Variants in OSBPL6 observed in about 807,000 individuals in gnomAD.
OSBPL6 encodes oxysterol-binding protein-related protein 6.
Under a neutral mutation model 125.8 loss-of-function variants are expected in OSBPL6, and 49 were observed. That is an observed-to-expected ratio of 0.39 (90% confidence interval 0.31 to 0.49). The LOEUF (loss-of-function observed/expected upper bound fraction) is 0.49. Ranked by LOEUF, OSBPL6 falls within the 20% of genes least tolerant of loss-of-function variation. The probability of loss-of-function intolerance (pLI) is 0.88; values close to 1 mark genes in which losing one functional copy is unlikely to be tolerated. For synonymous variants in OSBPL6, 394 were observed against 391.8 expected, an observed-to-expected ratio of 1.01 and a Z score of -0.07; for missense variants, 986 against 1,135.4, an observed-to-expected ratio of 0.87 and a Z score of 1.89.
In OSBPL6 at chr2:178,334,944, C is replaced by A. The variant is rs551363024; in HGVS notation, c.658-1357C>A. Among the ~76,000 whole-genome samples, 160 of 152,164 alleles carry A rather than the reference C, an allele frequency of 1.1e-3. 1 individual carries two copies. Among genetic ancestry groups the A allele is most frequent in the African/African-American group, 3.6e-3 (149 of 41,522 alleles). ...ACCAGTTCTGAAATAAAAAAGGGAACGAACCATCTGGTCAGGGCATCAGGA... is the reference window on the plus strand; with the variant it reads ...ACCAGTTCTGAAATAAAAAAGGGAAAGAACCATCTGGTCAGGGCATCAGGA... On this transcript the variant is annotated intron_variant, in intron 8 of 24. Transcript: ENST00000190611.
upstream of OSBPL6, among the ~76,000 whole-genome samples, chr2:178,194,152 C>T (rs1170353819): frequency 1.1e-4 from 17 of 152,190 alleles, no homozygotes; most frequent in Admixed American, 1.1e-3. Flanking sequence ...GGCGAGGGCT[C>T]CGCTACTGCG....
chr2:178,207,597 G>A (rs1020943459), intron 1 of OSBPL6, among the ~76,000 whole-genome samples: 5 of 152,144 alleles, frequency 3.3e-5, no homozygotes, highest in Non-Finnish European at 5.9e-5. Flanking sequence ...TTCCAGCTGT[G>A]AGTACATCTG....
chr2:178,278,456 A>C (rs568550472), intron 1 of OSBPL6, among the ~76,000 whole-genome samples: 8 of 152,304 alleles, frequency 5.3e-5, no homozygotes, highest in African/African-American at 1.9e-4. Context: ...TGGATTAATC[A>C]ATCAATACTT....
At chr2:178,326,087 G>C (rs903877746) in intron 4 of OSBPL6, among the ~76,000 whole-genome samples, 1 of 150,912 alleles carries the variant, frequency 6.6e-6, no homozygotes, top group African/African-American at 2.4e-5. Context: ...TGGGCTTCCT[G>C]GGCACTGATT....
Position 178,389,114 on chromosome 2 carries a change from C to A in OSBPL6, c.2262C>A (p.Thr754=), listed in dbSNP as rs779646032. The A allele has an allele frequency of 1.2e-6, 2 of 1,613,772 alleles. No individual in the cohort carries two copies. Among genetic ancestry groups the A allele is most frequent in the Non-Finnish European group, 1.7e-6 (2 of 1,179,926 alleles). The change falls in exon 21 of 25, where the codon ACC becomes ACA. Residue 754 remains threonine, a synonymous_variant. Coordinates refer to ENST00000190611, the MANE Select transcript of OSBPL6 (RefSeq NM_032523.4). Reference sequence around the variant, plus strand: ...ATGGAGAAGTAACCATCAGAAATACCAAAAGCAGTGTTTGCATTTGCAAAC... The same window carrying A: ...ATGGAGAAGTAACCATCAGAAATACAAAAAGCAGTGTTTGCATTTGCAAAC... ...EHYGEVTIRN[T]KSSVCICKLT...
intron 3 of OSBPL6, 22 bp downstream of exon 3, chr2:178,306,308 C>A (rs775696165): frequency 2.0e-5 from 30 of 1,470,408 alleles, no homozygotes; most frequent in Non-Finnish European, 2.8e-5. Flanking sequence ...GCATTAAGTG[C>A]CTTTGGTTGT....
intron 3 of OSBPL6, among the ~76,000 whole-genome samples, chr2:178,318,946 G>A (rs780267129): frequency 1.3e-5 from 2 of 152,206 alleles, no homozygotes; most frequent in Non-Finnish European, 2.9e-5. Context: ...CAGCCTTTGG[G>A]CAGCACTGTG....
rs1422253408 is a variant in OSBPL6, at chr2:178,397,487, T to C, written c.*1928T>C. 2 of 152,230 alleles carry C rather than the reference T, an allele frequency of 1.3e-5. No homozygotes were observed. Among genetic ancestry groups the C allele is most frequent in the Non-Finnish European group, 2.9e-5 (2 of 68,038 alleles). 9.4% of individuals were successfully genotyped at this position (152,230 alleles called of 1,614,324 possible). A position where few individuals can be genotyped will look rare whatever the true frequency, so the allele number is the denominator to read the frequency against. ...CTTTTTCTGCATCCTGAGATACATG[T>C]CGTTAATTTTAATAAGAATCCTATT... On this transcript the variant is annotated 3_prime_UTR_variant, in exon 25 of 25. Coordinates refer to ENST00000190611, the MANE Select transcript of OSBPL6 (RefSeq NM_032523.4).
chr2:178,228,756 T>C (rs2153977949), intron 1 of OSBPL6, among the ~76,000 whole-genome samples: 1 of 152,312 alleles, frequency 6.6e-6, no homozygotes, highest in South Asian at 2.1e-4. Context: ...GTATTTTACA[T>C]TTACAGCACA....
chr2:178,196,387 G>GT (rs1337839821), intron 1 of OSBPL6, among the ~76,000 whole-genome samples: 3 of 152,014 alleles, frequency 2.0e-5, no homozygotes, highest in Non-Finnish European at 4.4e-5. Flanking sequence ...AAAAATTCTG[G>GT]TTTTGCTCAT....
intron 3 of OSBPL6, among the ~76,000 whole-genome samples, chr2:178,322,354 C>A (rs1688317997): frequency 6.6e-6 from 1 of 152,076 alleles, no homozygotes; most frequent in African/African-American, 2.4e-5. Context: ...AGATACCTGA[C>A]TGGAAGATTA....
At chr2:178,205,933 G>A (rs1279270468) in intron 1 of OSBPL6, among the ~76,000 whole-genome samples, 1 of 152,026 alleles carries the variant, frequency 6.6e-6, no homozygotes, top group Non-Finnish European at 1.5e-5. Context: ...CAAAGGGTGG[G>A]CAAAAAAGTA....
chr2:178,232,034 C>T (rs1337341384), intron 1 of OSBPL6, among the ~76,000 whole-genome samples: 1 of 152,094 alleles, frequency 6.6e-6, no homozygotes, highest in Non-Finnish European at 1.5e-5. Context: ...AGAAACTAGA[C>T]ACAGGTGTTT....
intron 5 of OSBPL6, among the ~76,000 whole-genome samples, chr2:178,330,141 T>TCTC (rs1689072796): frequency 2.6e-5 from 4 of 152,192 alleles, no homozygotes; most frequent in Non-Finnish European, 5.9e-5. Context: ...TTTCCCCAAA[T>TCTC]TGATGGCCTT....
At chr2:178,275,616 A>G (rs1471721565) in intron 1 of OSBPL6, among the ~76,000 whole-genome samples, 1 of 152,150 alleles carries the variant, frequency 6.6e-6, no homozygotes, top group Non-Finnish European at 1.5e-5. Flanking sequence ...TTGGAAATGC[A>G]ATCTGGAAAA....
In OSBPL6 at chr2:178,373,332, A is replaced by T. The variant is rs572207579; in HGVS notation, c.1396-558A>T. ...GAATATATATATACATTTCTCTTAC[A>T]TTTTTTATTGAAACTTAAATAGCTT... On this transcript the variant is annotated intron_variant, in intron 14 of 24. Coordinates refer to ENST00000190611, the MANE Select transcript of OSBPL6 (RefSeq NM_032523.4). Among the ~76,000 whole-genome samples the T allele has an allele frequency of 7.6e-3, 1,151 of 152,078 alleles. 17 individuals carry two copies. The highest frequency in any genetic ancestry group is 0.027 in the African/African-American group (1,101 of 41,486).
chr2:178,324,325 A>C (rs573765967), intron 4 of OSBPL6, 56 bp downstream of exon 4: 3 of 1,299,824 alleles, frequency 2.3e-6, no homozygotes, highest in Non-Finnish European at 3.2e-6. Context: ...TCTGGGGCCA[A>C]TTGAACTGTG....
intron 4 of OSBPL6, among the ~76,000 whole-genome samples, chr2:178,327,373 A>C (rs917875129): frequency 6.6e-6 from 1 of 152,152 alleles, no homozygotes. Flanking sequence ...TAAAAATATT[A>C]TTCTTCCAGA....
chr2:178,212,770 T>C (rs1347178164), intron 1 of OSBPL6, among the ~76,000 whole-genome samples: 1 of 152,120 alleles, frequency 6.6e-6, no homozygotes, highest in African/African-American at 2.4e-5. Flanking sequence ...AACATTTTTA[T>C]GTAAACGAGT....
Sources: allele counts gnomAD v4.1 joint callset (sites outside exome capture counted in the v4.1 genomes callset), GRCh38; gene constraint gnomAD v4.1.1; transcripts MANE v1.5; gene names NCBI Gene and HGNC (gene_info 2026-07-23, HGNC 2026-07-21).